Variants in NEK3 observed in about 807,000 individuals in gnomAD.
NEK3 encodes serine/threonine-protein kinase Nek3.
Under a neutral mutation model 66.0 loss-of-function variants are expected in NEK3, and 54 were observed. The observed-to-expected ratio is 0.82, with a 90% CI of 0.66 to 1.03. The LOEUF is 1.03. Among genes scored for constraint, NEK3 ranks in the 50% least tolerant of loss-of-function variants. The pLI is 0.00. For synonymous variants in NEK3, 200 were observed against 206.2 expected, an observed-to-expected ratio of 0.97 and a Z score of 0.26; for missense variants, 593 against 603.0, an observed-to-expected ratio of 0.98 and a Z score of 0.17.
At chr13:52,148,386 G>A in intron 8 of NEK3, 29 bp downstream of exon 8, 1 of 1,608,030 alleles carries the variant, frequency 6.2e-7, no homozygotes, top group Non-Finnish European at 8.5e-7. Flanking sequence ...ATGACAAGCT[G>A]CCTTTTCCAT....
In NEK3 at chr13:52,154,113, G is replaced by C. The variant is rs567906582; in HGVS notation, c.178C>G (p.Pro60Ala). 6.2e-7 allele frequency: 1 copy of C among 1,611,978 alleles called. No homozygotes were observed. Among genetic ancestry groups the C allele is most frequent in the Admixed American group, 1.7e-5 (1 of 59,870 alleles). ...EAVLLAKMKH[P>A]NIVAFKESFE... ...GATTCTTTGAAGGCAACAATATTAG[G>C]GTGTTTCATTTTGGCTAAAAGAACA... The change falls in exon 3 of 16, where the codon CCT becomes GCT. Residue 60 changes from proline to alanine, a missense_variant. By Grantham distance (27) the Pro-to-Ala change is conservative (BLOSUM62 -1). Coordinates refer to ENST00000610828, the MANE Select transcript of NEK3 (RefSeq NM_002498.3).
intron 8 of NEK3, among the ~76,000 whole-genome samples, chr13:52,147,669 G>C (rs1956305580): frequency 6.6e-6 from 1 of 152,088 alleles, no homozygotes; most frequent in Admixed American, 6.6e-5. Flanking sequence ...GATGACAAAA[G>C]TTTTACAAAG....
chr13:52,136,079 C>T, intron 13 of NEK3, 37 bp downstream of exon 13: 1 of 1,606,314 alleles, frequency 6.2e-7, no homozygotes, highest in Non-Finnish European at 8.5e-7. Context: ...AGAAAAAGTT[C>T]TCTAATAAAA....
chr13:52,135,938 C>T, intron 13 of NEK3, 75 bp from the exon 14 acceptor site: 1 of 1,541,064 alleles, frequency 6.5e-7, no homozygotes, highest in Non-Finnish European at 8.8e-7. Context: ...ATCATATTTT[C>T]AAGCGAAGTT....
At position 52,136,256 on chromosome 13, in the gene NEK3, T is replaced by C. The variant is rs773009013; in HGVS notation, c.1034A>G (p.Asn345Ser). ...LRRVNREEKG[N>S]KSVHLRKASS... ...GGCTTTCCTCAGATGGACTGACTTA[T>C]TACCTGATTTTAAAGTGTGAAAAAG... Residue 345 changes from asparagine to serine, a missense_variant, in exon 13 of 16, where the codon AAT becomes AGT. Transcript: ENST00000610828. The C allele has an allele frequency of 8.7e-6, 14 of 1,613,556 alleles. No homozygotes were observed. The South Asian group carries it at 1.3e-4, about 15-fold the overall frequency.
intron 5 of NEK3, 113 bp downstream of exon 5, chr13:52,152,496 C>A (rs1240970446): frequency 3.6e-6 from 2 of 559,908 alleles, no homozygotes; most frequent in African/African-American, 1.9e-5. Flanking sequence ...AAATATTAGG[C>A]TGACAAATAT....
At chr13:52,157,357 G>C (rs963450942) in intron 1 of NEK3, 3 of 152,226 alleles carry the variant, frequency 2.0e-5, no homozygotes, top group African/African-American at 7.2e-5. Flanking sequence ...AAAGATGTAA[G>C]AACAGTTGAC....
chr13:52,157,915 T>G (rs1262932898), intron 1 of NEK3, among the ~76,000 whole-genome samples: 1 of 152,280 alleles, frequency 6.6e-6, no homozygotes, highest in Middle Eastern at 3.2e-3. Flanking sequence ...CTCGCTCCTG[T>G]TGCCCAGGCT....
At chr13:52,135,358 TAGC>T (rs1355861580) in intron 14 of NEK3, among the ~76,000 whole-genome samples, 1 of 152,180 alleles carries the variant, frequency 6.6e-6, no homozygotes, top group Non-Finnish European at 1.5e-5. Context: ...AAGAAAGTAG[TAGC>T]AGGATTATGA....
At chr13:52,140,214 CA>C (rs397851494) in intron 11 of NEK3, among the ~76,000 whole-genome samples, 35,937 of 76,938 alleles carry the variant, frequency 0.47, 5,087 homozygotes, top group Middle Eastern at 0.56. Context: ...GACCCTATCT[CA>C]AAAAAAAAAA....
chr13:52,153,619 T>C (rs1956365165), intron 4 of NEK3, among the ~76,000 whole-genome samples: 1 of 152,110 alleles, frequency 6.6e-6, no homozygotes. Flanking sequence ...ATTTTAAATA[T>C]CTAGTACAAA....
intron 9 of NEK3, 39 bp downstream of exon 9, chr13:52,144,652 C>A: frequency 6.5e-7 from 1 of 1,548,812 alleles, no homozygotes; most frequent in South Asian, 1.1e-5. Flanking sequence ...TTACCATACA[C>A]TTGAAAACTG....
At position 52,136,110 on chromosome 13, in the gene NEK3, AC is replaced by A; in HGVS notation, c.1174+5del. On this transcript the variant is annotated splice_donor_5th_base_variant and intron_variant, in intron 13 of 15. Coordinates refer to ENST00000610828, the MANE Select transcript of NEK3 (RefSeq NM_002498.3). ...TAAAATAATAGTATTCAATCTGACT[AC>A]TAACCTCTATCGTCCTCTGCTGTTA... is the stretch of plus-strand genomic sequence containing the variant. 6.2e-7 allele frequency: 1 copy of A among 1,613,622 alleles called. No homozygotes were observed. The highest frequency in any genetic ancestry group is 8.5e-7 in the Non-Finnish European group (1 of 1,179,666).
intron 14 of NEK3, among the ~76,000 whole-genome samples, chr13:52,134,555 T>C (rs181357740): frequency 2.6e-5 from 4 of 152,310 alleles, no homozygotes; most frequent in Admixed American, 2.6e-4. Context: ...CCAGGTATAA[T>C]TACTTTTAGA....
intron 12 of NEK3, 88 bp from the exon 13 acceptor site, chr13:52,136,347 G>T: frequency 1.6e-6 from 2 of 1,287,588 alleles, no homozygotes; most frequent in Non-Finnish European, 1.1e-6. Context: ...AAATATGGAA[G>T]TGTTTCTTTT....
At chr13:52,140,738 G>A (rs1340310915) in intron 11 of NEK3, among the ~76,000 whole-genome samples, 3 of 152,152 alleles carry the variant, frequency 2.0e-5, no homozygotes, top group South Asian at 2.1e-4. Context: ...CTTAACTAGA[G>A]GGACCAGGTC....
intron 4 of NEK3, among the ~76,000 whole-genome samples, chr13:52,153,642 G>A (rs1278012373): frequency 1.3e-5 from 2 of 151,938 alleles, no homozygotes; most frequent in East Asian, 1.9e-4. Flanking sequence ...TTGGTGATAC[G>A]ATCTTGAAAT....
At chr13:52,139,547 C>T (rs912563544) in intron 11 of NEK3, among the ~76,000 whole-genome samples, 1 of 152,140 alleles carries the variant, frequency 6.6e-6, no homozygotes, top group Admixed American at 6.5e-5. Flanking sequence ...CTCAATTGTA[C>T]ACTCAGAATT....
chr13:52,145,215 A>G (rs114502743), intron 8 of NEK3, among the ~76,000 whole-genome samples: 1,998 of 152,260 alleles, frequency 0.013, 45 homozygotes, highest in African/African-American at 0.046. Context: ...ATGGCCTTTT[A>G]AAACATCAAC....
Sources: gnomAD v4.1 joint callset for allele counts (sites outside exome capture counted in the v4.1 genomes callset) on GRCh38, gnomAD v4.1.1 for gene constraint, MANE v1.5 for transcripts, NCBI Gene and HGNC (gene_info 2026-07-23, HGNC 2026-07-21) for gene names.